Variants in HDAC7 observed in about 807,000 individuals in gnomAD.
HDAC7 encodes histone deacetylase 7A.
Under a neutral mutation model 115.5 loss-of-function variants are expected in HDAC7, and 26 were observed. The observed-to-expected ratio is 0.23, with a 90% CI of 0.16 to 0.31. HDAC7 has a LOEUF of 0.31. Ranked by LOEUF, HDAC7 falls within the 10% of genes least tolerant of loss-of-function variation. The pLI, the probability that HDAC7 is intolerant of heterozygous loss-of-function variation, is 1.00. For missense variants in HDAC7, 1,068 were observed against 1,329.0 expected, an observed-to-expected ratio of 0.80 and a Z score of 3.05; for synonymous variants, 564 against 550.9, an observed-to-expected ratio of 1.02 and a Z score of -0.33.
At position 47,793,093 on chromosome 12, in the gene HDAC7, G is replaced by T; in HGVS notation, c.1678+276C>A. 2.2e-6 allele frequency: 1 copy of T among 448,990 alleles called. No individual in the cohort carries two copies. Among genetic ancestry groups the T allele is most frequent in the Non-Finnish European group, 3.9e-6 (1 of 254,138 alleles). 27.8% of individuals were successfully genotyped at this position (448,990 alleles called of 1,614,324 possible). ...AGTAATAAATATCATTTTTTAAAAGGGCTGAGTGCATTGGCAGGAGACTGG... is the reference window on the plus strand; with the variant it reads ...AGTAATAAATATCATTTTTTAAAAGTGCTGAGTGCATTGGCAGGAGACTGG... On this transcript the variant is annotated intron_variant, in intron 13 of 25. Transcript: ENST00000080059. This position sits in a 1 kb window ranked among gnomAD's most constrained non-coding sequence, Gnocchi z 4.5.
rs1555141430 is a variant in HDAC7, at chr12:47,797,893, T to TGTGTGTGTGTGTGA, written c.461+214_461+215insTCACACACACACAC. Among the ~76,000 whole-genome samples, 2 of 144,524 alleles carry TGTGTGTGTGTGTGA rather than the reference T, an allele frequency of 1.4e-5. No individual in the cohort carries two copies. Among genetic ancestry groups the TGTGTGTGTGTGTGA allele is most frequent in the African/African-American group, 5.6e-5 (2 of 35,954 alleles). The allele number at this position is 144,524 out of a possible 152,430, so 94.8% of individuals were successfully genotyped here. On this transcript the variant is annotated intron_variant, in intron 5 of 25. Transcript: ENST00000080059. This position sits in a 1 kb window ranked among gnomAD's most constrained non-coding sequence, Gnocchi z 5.5. ...GTGTGTGTGTGTGTGTGTGTGTGTG[T>TGTGTGTGTGTGTGA]GTGAGAAGGGCTCAGGTGGGGTGGG... is the stretch of plus-strand genomic sequence containing the variant.
intron 13 of HDAC7, 22 bp from the exon 14 acceptor site, chr12:47,792,026 CG>C: frequency 1.3e-6 from 2 of 1,587,928 alleles, no homozygotes; most frequent in Non-Finnish European, 1.7e-6. Flanking sequence ...AGGGTCAGAG[CG>C]GGGACCCAGG....
chr12:47,794,461 T>C (rs530369298), intron 12 of HDAC7, among the ~76,000 whole-genome samples: 2 of 152,304 alleles, frequency 1.3e-5, no homozygotes, highest in Non-Finnish European at 2.9e-5. Flanking sequence ...AGGGGAGACA[T>C]ACCAGGGCAG....
intron 16 of HDAC7, 182 bp downstream of exon 16, chr12:47,791,077 C>T (rs527649805): frequency 3.9e-5 from 25 of 642,456 alleles, no homozygotes; most frequent in Non-Finnish European, 3.9e-5. Flanking sequence ...ACTGTGGGTC[C>T]GAGACACGCC....
In HDAC7 at chr12:47,791,669, T is replaced by A. The variant is rs766576782; in HGVS notation, c.1850A>T (p.Gln617Leu). 2 of 1,613,618 alleles carry A rather than the reference T, an allele frequency of 1.2e-6. No homozygotes were observed. The highest frequency in any genetic ancestry group is 1.7e-5 in the Admixed American group (1 of 59,980). The change falls in exon 15 of 26, where the codon CAG becomes CTG. Residue 617 changes from glutamine to leucine, a missense_variant. Physicochemically the swap from Gln to Leu is moderately radical, Grantham distance 113. Coordinates refer to ENST00000080059, the MANE Select transcript of HDAC7 (RefSeq NM_015401.5). ...CACGTGCCGCTCAGAGTGGACCGAC[T>A]GCAGCTCTTCCAGGGAGGCCTTCCG... ...RGRKASLEELQSVHSERHVLL... is the reference protein window; with the variant it reads ...RGRKASLEELLSVHSERHVLL...
rs753058609 is a variant in HDAC7, at chr12:47,791,286, A to C, written c.1956T>G (p.Phe652Leu). 1 of 1,601,482 alleles carries C rather than the reference A, an allele frequency of 6.2e-7. No homozygotes were observed. Among genetic ancestry groups the C allele is most frequent in the Non-Finnish European group, 8.5e-7 (1 of 1,174,096 alleles). ...KLAGLLAQRM[F>L]VMLPCGGVGV... is the part of the protein sequence containing the mutation. ...CAACCCCACCACAGGGCAGCATCACAAACATCCGCTGTGCCAGGAGCCCTG... is the reference window on the plus strand; with the variant it reads ...CAACCCCACCACAGGGCAGCATCACCAACATCCGCTGTGCCAGGAGCCCTG... The change falls in exon 16 of 26, where the codon TTT becomes TTG. Residue 652 changes from phenylalanine to leucine, a missense_variant. Phe to Leu is a conservative substitution (Grantham distance 22, BLOSUM62 0). Coordinates refer to ENST00000080059, the MANE Select transcript of HDAC7 (RefSeq NM_015401.5).
rs758327200 is a variant in HDAC7 at position 47,791,624 on chromosome 12, G to T, written c.1895C>A (p.Pro632Gln). Residue 632 changes from proline to glutamine, a missense_variant, in exon 15 of 26, where the codon CCG (proline) becomes CAG (glutamine). Physicochemically the swap from Pro to Gln is moderately conservative, Grantham distance 76 (BLOSUM62 -1). This residue lies in a region of HDAC7 where 618 missense variants were observed against 701.5 expected (regional missense o/e 0.88). Transcript: ENST00000080059. ...ERHVLLYGTN[P>Q]LSRLKLDNGK... ...GTTGTCCAGTTTGAGGCGGCTGAGCGGGTTGGTGCCGTAGAGGAGCACGTG... is the reference window on the plus strand; with the variant it reads ...GTTGTCCAGTTTGAGGCGGCTGAGCTGGTTGGTGCCGTAGAGGAGCACGTG... 6.2e-7 allele frequency: 1 copy of T among 1,611,116 alleles called. No individual in the cohort carries two copies. Among genetic ancestry groups the T allele is most frequent in the East Asian group, 2.2e-5 (1 of 44,808 alleles).
intron 15 of HDAC7, 124 bp downstream of exon 15, chr12:47,791,462 A>T: frequency 7.0e-7 from 1 of 1,420,798 alleles, no homozygotes; most frequent in Non-Finnish European, 9.5e-7. Context: ...GCTTGGCAGC[A>T]AGCTGGAGTA....
At chr12:47,815,102 T>C (rs1944815898) in intron 1 of HDAC7, among the ~76,000 whole-genome samples, 2 of 152,204 alleles carry the variant, frequency 1.3e-5, no homozygotes, top group Non-Finnish European at 2.9e-5. Flanking sequence ...ATGGATGAAT[T>C]GCTGAGTGAC....
intron 15 of HDAC7, 135 bp downstream of exon 15, chr12:47,791,451 G>C (rs1179727820): frequency 7.2e-7 from 1 of 1,397,808 alleles, no homozygotes; most frequent in East Asian, 2.5e-5. Context: ...GCTGAGGAGG[G>C]GCTTGGCAGC....
rs151335595 is a variant in HDAC7, at chr12:47,805,256, G to GTT, written c.20-2984_20-2983dup. Among the ~76,000 whole-genome samples, 3 of 148,564 alleles carry GTT rather than the reference G, an allele frequency of 2.0e-5. 1 individual carries two copies. The highest frequency in any genetic ancestry group is 3.0e-5 in the Non-Finnish European group (2 of 66,542). On this transcript the variant is annotated intron_variant, in intron 1 of 25. Coordinates refer to ENST00000080059, the MANE Select transcript of HDAC7 (RefSeq NM_015401.5). ...GGCTAAATTTTTTTTGTTTTGTTTTGTTGTTTTTTTTTTTGTAGAGACGAA... is the reference window on the plus strand; with the variant it reads ...GGCTAAATTTTTTTTGTTTTGTTTTGTTTTGTTTTTTTTTTTGTAGAGACGAA...
rs1245880560 is a variant in HDAC7, at chr12:47,798,228, G to A, written c.350-9C>T. The A allele has an allele frequency of 3.7e-6, 6 of 1,606,138 alleles. No homozygotes were observed. The highest frequency in any genetic ancestry group is 2.2e-5 in the South Asian group (2 of 90,924). On this transcript the variant is annotated splice_polypyrimidine_tract_variant and intron_variant, in intron 4 of 25. Coordinates refer to ENST00000080059, the MANE Select transcript of HDAC7 (RefSeq NM_015401.5). This position sits in a 1 kb window ranked among gnomAD's most constrained non-coding sequence, Gnocchi z 4.3. Reference sequence around the variant, plus strand: ...GCTGCTGGCTACAGCACCTGTAGGGGCAGAGTCAGGAGGGGGCTGGAGGTG... The same window carrying A: ...GCTGCTGGCTACAGCACCTGTAGGGACAGAGTCAGGAGGGGGCTGGAGGTG...
At chr12:47,808,546 C>T (rs1430464193) in intron 1 of HDAC7, among the ~76,000 whole-genome samples, 2 of 152,122 alleles carry the variant, frequency 1.3e-5, no homozygotes, top group African/African-American at 2.4e-5. Context: ...GTATGGCTGT[C>T]GGTTTCTGGG....
At chr12:47,784,749 C>A (rs1353271008) in intron 24 of HDAC7, 1 of 1,535,502 alleles carries the variant, frequency 6.5e-7, no homozygotes, top group African/African-American at 1.4e-5. Flanking sequence ...CTCCTCCTGC[C>A]TGCTGCTGTG....
At chr12:47,791,176 G>A (rs1943477306) in intron 16 of HDAC7, 83 bp downstream of exon 16, 1 of 1,304,046 alleles carries the variant, frequency 7.7e-7, no homozygotes. Context: ...CAGAGGTTCT[G>A]CAGGGGCTGG....
chr12:47,795,889 GCACCCCAGC>G lies in HDAC7; in HGVS notation c.906+8_906+16del. 6.6e-7 allele frequency: 1 copy of G among 1,521,360 alleles called. No homozygotes were observed. The highest frequency in any genetic ancestry group is 8.9e-7 in the Non-Finnish European group (1 of 1,124,854). 94.2% of individuals were successfully genotyped at this position (1,521,360 alleles called of 1,614,324 possible). A position where few individuals can be genotyped will look rare whatever the true frequency, so the allele number is the denominator to read the frequency against. On this transcript the variant is annotated splice_region_variant and intron_variant, in intron 9 of 25. Coordinates refer to ENST00000080059, the MANE Select transcript of HDAC7 (RefSeq NM_015401.5). The surrounding 1 kb of genome is among the most constrained non-coding windows in gnomAD (Gnocchi z 4.3). ...CTGGGGGGGCTTGGAGTGGGGGTGG[GCACCCCAGC>G]CACTCACCCTGGCAGGGGCGGGCAG...
chr12:47,808,222 G>A (rs182093726), intron 1 of HDAC7, among the ~76,000 whole-genome samples: 94 of 152,300 alleles, frequency 6.2e-4, no homozygotes, highest in African/African-American at 2.2e-3. Context: ...TTTTGCAGCC[G>A]CAGGATGTCC....
rs1943053914 is a variant in HDAC7 at position 47,784,597 on chromosome 12, G to A, written c.2792-380C>T. On this transcript the variant is annotated intron_variant, in intron 24 of 25. Transcript: ENST00000080059. ...AGTGACCTCCCAGAGCCCCAAGCTC[G>A]GGCCTCCCACTTAAACACAGCCCCC... The A allele has an allele frequency of 1.3e-5, 12 of 908,416 alleles. No individual in the cohort carries two copies. The South Asian group carries it at 1.5e-4, about 12-fold the overall frequency. 56.3% of individuals were successfully genotyped at this position (908,416 alleles called of 1,614,324 possible).
intron 23 of HDAC7, 70 bp downstream of exon 23, chr12:47,785,682 C>A (rs767466514): frequency 1.2e-5 from 18 of 1,528,958 alleles, no homozygotes; most frequent in Non-Finnish European, 1.6e-5. Context: ...TCTGCCTGCT[C>A]CTTGGGTAGT....
Sources: gnomAD v4.1 joint callset for allele counts (sites outside exome capture counted in the v4.1 genomes callset) on GRCh38, gnomAD v4.1.1 for gene constraint, gnomAD v4.1.1 regional missense constraint, Gnocchi (gnomAD v3.1) non-coding constraint, MANE v1.5 for transcripts, NCBI Gene and HGNC (gene_info 2026-07-23, HGNC 2026-07-21) for gene names.